The following PTPRN2 variants were observed in gnomAD, a reference collection of about 807,000 sequenced individuals.
PTPRN2 encodes protein tyrosine phosphatase receptor type N2.
PTPRN2 carries 74 observed loss-of-function variants against 118.8 expected under a neutral mutation model. The ratio of observed to expected loss-of-function variants is 0.62; its 90% CI spans 0.52 to 0.76. The LOEUF is 0.76. PTPRN2 is among the 30% of genes least tolerant of loss of function. The pLI is 0.00. For missense variants in PTPRN2, 1,481 were observed against 1,394.4 expected (o/e 1.06, Z -0.99); for synonymous variants, 641 against 608.0 (o/e 1.05, Z -0.80).
intron 1 of PTPRN2, among the ~76,000 whole-genome samples, chr7:158,536,624 T>A (rs1825662259): frequency 1.7e-5 from 2 of 119,558 alleles, no homozygotes; most frequent in African/African-American, 3.4e-5. Flanking sequence ...CACCAGGATG[T>A]GACTCAGGAA....
At chr7:158,486,008 G>A (rs1008615289) in intron 2 of PTPRN2, among the ~76,000 whole-genome samples, 2 of 152,144 alleles carry the variant, frequency 1.3e-5, no homozygotes, top group East Asian at 3.9e-4. Flanking sequence ...CCATAACATA[G>A]CTTTAAAGAA....
At chr7:158,326,654 T>TTA (rs1554459158) in intron 2 of PTPRN2, among the ~76,000 whole-genome samples, 3 of 144,816 alleles carry the variant, frequency 2.1e-5, no homozygotes, top group South Asian at 4.3e-4. Flanking sequence ...TCACACATGC[T>TTA]CACACTCTCA....
chr7:158,317,238 T>C (rs905638800), intron 2 of PTPRN2, among the ~76,000 whole-genome samples: 4 of 152,234 alleles, frequency 2.6e-5, no homozygotes, highest in Non-Finnish European at 4.4e-5. Context: ...ACATTTTTTA[T>C]GTAAAACTTG....
intron 3 of PTPRN2, among the ~76,000 whole-genome samples, chr7:158,275,456 G>C (rs1030117014): frequency 1.3e-5 from 2 of 152,136 alleles, no homozygotes; most frequent in African/African-American, 4.8e-5. Flanking sequence ...ACTGGACAAA[G>C]TGCCTGGAAC....
intron 2 of PTPRN2, among the ~76,000 whole-genome samples, chr7:158,461,731 G>T (rs1050317903): frequency 6.6e-6 from 1 of 152,226 alleles, no homozygotes; most frequent in Non-Finnish European, 1.5e-5. Flanking sequence ...CTGCTGTAGA[G>T]GCTGACTGCA....
chr7:157,650,311 G>T (rs1585172662), intron 14 of PTPRN2, among the ~76,000 whole-genome samples: 1 of 152,244 alleles, frequency 6.6e-6, no homozygotes, highest in African/African-American at 2.4e-5. Context: ...CGCCGTGCTG[G>T]GAAGGGGGGA....
rs1266280093 is a variant in PTPRN2, at chr7:158,093,967, C to G, written c.1644-12590G>C. ...CTTAAAGCATTGAGCAACTGCATCA[C>G]TGTGCAGATTGTATCTTCTTTGCAA... is the stretch of plus-strand genomic sequence containing the variant. On this transcript the variant is annotated intron_variant, in intron 10 of 22. Coordinates refer to ENST00000389418, the MANE Select transcript of PTPRN2 (RefSeq NM_002847.5). This position sits in a 1 kb window ranked among gnomAD's most constrained non-coding sequence, Gnocchi z 4.4. 6.6e-6 allele frequency among the ~76,000 whole-genome samples: 1 copy of G among 152,232 alleles called. No individual in the cohort carries two copies. Among genetic ancestry groups the G allele is most frequent in the African/African-American group, 2.4e-5 (1 of 41,458 alleles).
intron 11 of PTPRN2, among the ~76,000 whole-genome samples, chr7:157,916,786 C>T (rs905493094): frequency 2.7e-5 from 4 of 148,288 alleles, no homozygotes; most frequent in Non-Finnish European, 4.5e-5. Flanking sequence ...GTCCAACACA[C>T]GTCCCCCTCC....
chr7:158,549,501 G>A (rs575327959), intron 1 of PTPRN2, among the ~76,000 whole-genome samples: 1 of 152,380 alleles, frequency 6.6e-6, no homozygotes, highest in South Asian at 2.1e-4. Flanking sequence ...GCCGTGAATA[G>A]GTAAAATTCC....
At chr7:158,071,390 G>T (rs1433967900) in intron 11 of PTPRN2, among the ~76,000 whole-genome samples, 11 of 103,058 alleles carry the variant, frequency 1.1e-4, no homozygotes, top group East Asian at 3.0e-4. Flanking sequence ...TGCTCGTGGT[G>T]GAGGTGCTCG....
At chr7:158,518,971 C>A (rs1483563087) in intron 1 of PTPRN2, among the ~76,000 whole-genome samples, 2 of 151,758 alleles carry the variant, frequency 1.3e-5, no homozygotes, top group Admixed American at 6.6e-5. Flanking sequence ...GGTGACAAAG[C>A]AAAACAACTC....
intron 2 of PTPRN2, among the ~76,000 whole-genome samples, chr7:158,425,176 AGT>A (rs1815614667): frequency 6.6e-6 from 1 of 152,030 alleles, no homozygotes; most frequent in Non-Finnish European, 1.5e-5. Context: ...GTACGAGACC[AGT>A]CTAGCTGAGG....
chr7:158,173,120 G>A (rs1823863884), intron 5 of PTPRN2, among the ~76,000 whole-genome samples: 1 of 145,218 alleles, frequency 6.9e-6, no homozygotes, highest in Non-Finnish European at 1.5e-5. Context: ...AACACCACCA[G>A]CGTCCCCACC....
intron 12 of PTPRN2, among the ~76,000 whole-genome samples, chr7:157,818,377 G>T (rs1303091229): frequency 6.6e-6 from 1 of 151,102 alleles, no homozygotes; most frequent in African/African-American, 2.5e-5. Flanking sequence ...TGACACGGGG[G>T]CTGTGTGGCC....
chr7:157,681,368 CA>C (rs1227048793), intron 13 of PTPRN2, among the ~76,000 whole-genome samples: 1 of 152,202 alleles, frequency 6.6e-6, no homozygotes, highest in African/African-American at 2.4e-5. Context: ...GTTTATGTGA[CA>C]TTTTTTTCAG....
chr7:158,413,642 C>A (rs1814389087), intron 2 of PTPRN2, among the ~76,000 whole-genome samples: 1 of 152,238 alleles, frequency 6.6e-6, no homozygotes, highest in Admixed American at 6.5e-5. Flanking sequence ...GAGCCCACCC[C>A]TCTCCCGGGA....
At chr7:158,483,930 G>A (rs774292173) in intron 2 of PTPRN2, among the ~76,000 whole-genome samples, 12 of 152,052 alleles carry the variant, frequency 7.9e-5, no homozygotes, top group Non-Finnish European at 1.2e-4. Context: ...TTGAGGTCAC[G>A]AGTTCAAGAC....
chr7:157,768,331 G>A (rs918451035), intron 12 of PTPRN2, among the ~76,000 whole-genome samples: 1 of 152,150 alleles, frequency 6.6e-6, no homozygotes, highest in Non-Finnish European at 1.5e-5. Context: ...TCGGCTGTGC[G>A]ATCTGAGTGT....
intron 12 of PTPRN2, among the ~76,000 whole-genome samples, chr7:157,883,870 A>G (rs6967795): frequency 0.88 from 132,639 of 151,052 alleles, 58,450 homozygotes; most frequent in East Asian, 1. Flanking sequence ...GACTGTCAGA[A>G]ACTAGAACAC....
Sources: allele counts gnomAD v4.1 joint callset (sites outside exome capture counted in the v4.1 genomes callset), GRCh38; gene constraint gnomAD v4.1.1; non-coding constraint Gnocchi (gnomAD v3.1); transcripts MANE v1.5; gene names NCBI Gene and HGNC (gene_info 2026-07-23, HGNC 2026-07-21).